SLC35F1: variants seen among roughly 807,000 people sequenced by gnomAD.
SLC35F1 encodes the protein chromosome 6 open reading frame 169.
A neutral mutation model predicts 48.7 loss-of-function variants in SLC35F1; 14 were observed. The observed-to-expected ratio is 0.29, with a 90% CI of 0.19 to 0.45. SLC35F1 has a LOEUF of 0.45. SLC35F1 is among the 20% of genes least tolerant of loss of function. The pLI is 1.00. For missense variants in SLC35F1, 404 were observed against 500.0 expected (o/e 0.81, Z 1.83); for synonymous variants, 190 against 202.2 (o/e 0.94, Z 0.51).
chr6:118,146,314 G>T (rs983028251), intron 1 of SLC35F1, among the ~76,000 whole-genome samples: 4 of 152,118 alleles, frequency 2.6e-5, no homozygotes, highest in Non-Finnish European at 4.4e-5. Context: ...GTCAAAGAAT[G>T]ATTTCTTCTG....
At chr6:118,303,659 C>T (rs1057138461) in intron 7 of SLC35F1, among the ~76,000 whole-genome samples, 4 of 152,318 alleles carry the variant, frequency 2.6e-5, no homozygotes, top group South Asian at 2.1e-4. Context: ...AAAAATACTT[C>T]GGAAGCAGTA....
intron 1 of SLC35F1, among the ~76,000 whole-genome samples, chr6:118,039,947 G>C (rs1302804496): frequency 1.3e-5 from 2 of 151,890 alleles, no homozygotes; most frequent in East Asian, 1.9e-4. Flanking sequence ...CAACTAACTT[G>C]TTTGGGTTTC....
chr6:117,940,492 T>G (rs1414308239), intron 1 of SLC35F1, among the ~76,000 whole-genome samples: 2 of 152,160 alleles, frequency 1.3e-5, no homozygotes, highest in Non-Finnish European at 2.9e-5. Context: ...CCACATCTGG[T>G]TGTATATCCA....
rs571042653 is a variant in SLC35F1 at position 118,142,583 on chromosome 6, A to T, written c.174-11862A>T. Among the ~76,000 whole-genome samples the T allele has an allele frequency of 2.7e-4, 41 of 152,216 alleles. 1 individual carries two copies. Among genetic ancestry groups the T allele is most frequent in the African/African-American group, 9.9e-4 (41 of 41,544 alleles). ...TTTATTCATTTTTTTTGTTAGAATCATCCCTGCAGTAGAAATTTCAACAGG... is the reference window on the plus strand; with the variant it reads ...TTTATTCATTTTTTTTGTTAGAATCTTCCCTGCAGTAGAAATTTCAACAGG... On this transcript the variant is annotated intron_variant, in intron 1 of 7. Transcript: ENST00000360388.
chr6:118,223,144 A>G (rs1264688223), intron 2 of SLC35F1, among the ~76,000 whole-genome samples: 6 of 152,192 alleles, frequency 3.9e-5, no homozygotes, highest in Admixed American at 2.6e-4. Context: ...AAATAATATA[A>G]ATAAAAATGT....
chr6:117,991,563 C>T (rs1262791536), intron 1 of SLC35F1, among the ~76,000 whole-genome samples: 4 of 152,170 alleles, frequency 2.6e-5, no homozygotes, highest in Non-Finnish European at 5.9e-5. Flanking sequence ...ATGGCTGAAC[C>T]ATGGTTATAG....
At chr6:118,019,543 AC>A (rs1777366697) in intron 1 of SLC35F1, among the ~76,000 whole-genome samples, 2 of 152,140 alleles carry the variant, frequency 1.3e-5, no homozygotes, top group Middle Eastern at 3.4e-3. Context: ...AATCGCTTGA[AC>A]CTGGGAGGCA....
At chr6:118,216,160 C>T (rs1426094535) in intron 2 of SLC35F1, among the ~76,000 whole-genome samples, 3 of 150,936 alleles carry the variant, frequency 2.0e-5, no homozygotes, top group African/African-American at 7.3e-5. Flanking sequence ...TCACTGCAAC[C>T]TTGTTTTCCT....
At chr6:117,939,102 T>C (rs1776196998) in intron 1 of SLC35F1, among the ~76,000 whole-genome samples, 1 of 150,000 alleles carries the variant, frequency 6.7e-6, no homozygotes, top group South Asian at 2.1e-4. Flanking sequence ...TGAGCTCAAA[T>C]GATCTTCCTG....
chr6:118,274,731 T>C (rs956769260), intron 4 of SLC35F1, among the ~76,000 whole-genome samples: 1 of 152,212 alleles, frequency 6.6e-6, no homozygotes, highest in African/African-American at 2.4e-5. Flanking sequence ...GAATTTTTAA[T>C]GAAAAAATAT....
At position 118,297,982 on chromosome 6, in the gene SLC35F1, G is replaced by C. The variant is rs1033803679; in HGVS notation, c.1002+12644G>C. Among the ~76,000 whole-genome samples the C allele has an allele frequency of 1.1e-4, 16 of 151,874 alleles. No homozygotes were observed. In the East Asian group the frequency reaches 2.9e-3, roughly 28 times the overall value. ...CTGCATGCTCTGTGAGTTCACATGAGATCTGGTTGTTTAAAAGAATCTGGG... is the reference window on the plus strand; with the variant it reads ...CTGCATGCTCTGTGAGTTCACATGACATCTGGTTGTTTAAAAGAATCTGGG... On this transcript the variant is annotated intron_variant, in intron 7 of 7. Coordinates refer to ENST00000360388, the MANE Select transcript of SLC35F1 (RefSeq NM_001029858.4).
At chr6:118,015,197 A>G (rs1456188058) in intron 1 of SLC35F1, among the ~76,000 whole-genome samples, 1 of 152,086 alleles carries the variant, frequency 6.6e-6, no homozygotes, top group Non-Finnish European at 1.5e-5. Context: ...CTTTTTCCTT[A>G]TAAATTACCC....
At chr6:118,055,036 T>C (rs946414093) in intron 1 of SLC35F1, among the ~76,000 whole-genome samples, 3 of 152,078 alleles carry the variant, frequency 2.0e-5, no homozygotes, top group African/African-American at 7.2e-5. Flanking sequence ...CGGCCTCCCA[T>C]AGTGCTGGGA....
At chr6:118,055,179 G>C (rs1250228130) in intron 1 of SLC35F1, among the ~76,000 whole-genome samples, 2 of 152,128 alleles carry the variant, frequency 1.3e-5, no homozygotes. Flanking sequence ...ATCAGTGTTT[G>C]GGGATTTATT....
chr6:118,025,919 T>C (rs1771931652), intron 1 of SLC35F1, among the ~76,000 whole-genome samples: 1 of 152,204 alleles, frequency 6.6e-6, no homozygotes, highest in Non-Finnish European at 1.5e-5. Flanking sequence ...TATTCTGTGA[T>C]TGCACCAGGT....
At chr6:118,084,693 G>A (rs1408266558) in intron 1 of SLC35F1, among the ~76,000 whole-genome samples, 1 of 152,060 alleles carries the variant, frequency 6.6e-6, no homozygotes, top group African/African-American at 2.4e-5. Flanking sequence ...ATGAGGGTAT[G>A]CTGAATGTAG....
intron 1 of SLC35F1, among the ~76,000 whole-genome samples, chr6:117,934,023 C>G (rs753762888): frequency 3.9e-5 from 6 of 151,908 alleles, no homozygotes; most frequent in Non-Finnish European, 7.4e-5. Flanking sequence ...TGGGTTTGCT[C>G]CGACAGAGTA....
intron 1 of SLC35F1, among the ~76,000 whole-genome samples, chr6:117,943,571 G>T (rs1410742249): frequency 6.6e-6 from 1 of 152,106 alleles, no homozygotes; most frequent in African/African-American, 2.4e-5. Context: ...ATCAGTAGGA[G>T]GTCAGAAATA....
At chr6:118,183,645 G>T (rs575359498) in intron 2 of SLC35F1, among the ~76,000 whole-genome samples, 1 of 152,112 alleles carries the variant, frequency 6.6e-6, no homozygotes, top group South Asian at 2.1e-4. Context: ...GGGACCCAAA[G>T]CATGTACTTC....
Sources: allele counts gnomAD v4.1 joint callset (sites outside exome capture counted in the v4.1 genomes callset), GRCh38; gene constraint gnomAD v4.1.1; transcripts MANE v1.5; gene names NCBI Gene and HGNC (gene_info 2026-07-23, HGNC 2026-07-21).